PLXNA4: variants seen among roughly 807,000 people sequenced by gnomAD.
PLXNA4 encodes plexin-A4.
In PLXNA4, 44 loss-of-function variants were observed where a neutral mutation model predicts 191.8. That is an observed-to-expected ratio of 0.23 (90% CI 0.18 to 0.29). PLXNA4 has a LOEUF of 0.29. PLXNA4 is among the 10% of genes least tolerant of loss of function. The pLI is 1.00. For missense variants in PLXNA4, 1,800 were observed against 2,488.8 expected, an observed-to-expected ratio of 0.72 and a Z score of 5.89; for synonymous variants, 1,082 against 1,009.5, an observed-to-expected ratio of 1.07 and a Z score of -1.36.
At chr7:132,259,629 T>A (rs999014434) in intron 4 of PLXNA4, among the ~76,000 whole-genome samples, 2 of 151,892 alleles carry the variant, frequency 1.3e-5, no homozygotes, top group African/African-American at 2.4e-5. Context: ...TCTTCTATAG[T>A]GAGGGGCGGT....
intron 14 of PLXNA4, among the ~76,000 whole-genome samples, chr7:132,189,642 G>C (rs554418064): frequency 6.6e-6 from 1 of 152,162 alleles, no homozygotes; most frequent in Non-Finnish European, 1.5e-5. Flanking sequence ...AGAACTCCAG[G>C]GGAGCTAGGG....
At chr7:132,175,074 G>A (rs1796414018) in intron 20 of PLXNA4, among the ~76,000 whole-genome samples, 154 bp from the exon 21 acceptor site, 1 of 152,204 alleles carries the variant, frequency 6.6e-6, no homozygotes, top group Non-Finnish European at 1.5e-5. Flanking sequence ...TGTTTACATA[G>A]CTGGGATTGG....
At chr7:132,300,489 T>C (rs1801262915) in intron 3 of PLXNA4, among the ~76,000 whole-genome samples, 1 of 152,238 alleles carries the variant, frequency 6.6e-6, no homozygotes, top group Non-Finnish European at 1.5e-5. Context: ...GGTTTCCCAT[T>C]AAGCCCATGA....
At chr7:132,455,365 A>T (rs1796275289) in intron 3 of PLXNA4, among the ~76,000 whole-genome samples, 1 of 152,034 alleles carries the variant, frequency 6.6e-6, no homozygotes, top group African/African-American at 2.4e-5. Context: ...AGAGGAAGGT[A>T]TCAGGTGTGC....
At chr7:132,382,212 G>A (rs560178037) in intron 3 of PLXNA4, among the ~76,000 whole-genome samples, 1 of 152,330 alleles carries the variant, frequency 6.6e-6, no homozygotes, top group Admixed American at 6.5e-5. Context: ...GAAGCCCAGA[G>A]AAGAGGAAGC....
intron 1 of PLXNA4, among the ~76,000 whole-genome samples, chr7:132,543,499 T>C (rs1800168157): frequency 6.6e-6 from 1 of 152,256 alleles, no homozygotes; most frequent in Non-Finnish European, 1.5e-5. Flanking sequence ...AAGCATGCTT[T>C]TGAAAATATC....
intron 2 of PLXNA4, among the ~76,000 whole-genome samples, chr7:132,626,913 C>T (rs1803387909): frequency 6.6e-6 from 1 of 152,118 alleles, no homozygotes; most frequent in Non-Finnish European, 1.5e-5. Context: ...GGTACTCTGT[C>T]CGTTTCCTTT....
chr7:132,501,315 A>C (rs156954), intron 2 of PLXNA4, among the ~76,000 whole-genome samples: 1 of 152,146 alleles, frequency 6.6e-6, no homozygotes, highest in Non-Finnish European at 1.5e-5. Context: ...GTGTGTGCAC[A>C]TGGGTGTGCT....
chr7:132,252,711 C>T (rs1799298199), intron 4 of PLXNA4, among the ~76,000 whole-genome samples: 1 of 152,192 alleles, frequency 6.6e-6, no homozygotes, highest in South Asian at 2.1e-4. Flanking sequence ...CCCAGAAAGT[C>T]TTCCTCTTGG....
chr7:132,621,467 G>C (rs946615138), intron 2 of PLXNA4, among the ~76,000 whole-genome samples: 1 of 151,952 alleles, frequency 6.6e-6, no homozygotes, highest in African/African-American at 2.4e-5. Context: ...CACCATGTTG[G>C]CCAGGATGGT....
intron 3 of PLXNA4, among the ~76,000 whole-genome samples, chr7:132,394,874 G>A (rs192939074): frequency 4.1e-4 from 63 of 152,286 alleles, no homozygotes; most frequent in African/African-American, 1.5e-3. Context: ...TCTCTGCTTC[G>A]CCAGAATTCT....
intron 2 of PLXNA4, among the ~76,000 whole-genome samples, chr7:132,601,041 A>C (rs577459250): frequency 1.3e-5 from 2 of 152,264 alleles, no homozygotes; most frequent in South Asian, 2.1e-4. Flanking sequence ...GCATATACTT[A>C]GTACACAGAA....
chr7:132,537,167 C>A (rs1488123278), intron 1 of PLXNA4, among the ~76,000 whole-genome samples: 2 of 152,186 alleles, frequency 1.3e-5, no homozygotes, highest in Non-Finnish European at 2.9e-5. Flanking sequence ...AGATCTTGAT[C>A]CTGTCTGAGA....
At chr7:132,384,703 C>T (rs1384970129) in intron 3 of PLXNA4, 2 of 1,018,222 alleles carry the variant, frequency 2.0e-6, no homozygotes, top group South Asian at 7.7e-5. Flanking sequence ...TCCATCCTCT[C>T]TGCCCTGTGT....
chr7:132,450,346 G>A (rs1471697756), intron 3 of PLXNA4, among the ~76,000 whole-genome samples: 1 of 152,212 alleles, frequency 6.6e-6, no homozygotes, highest in East Asian at 1.9e-4. Flanking sequence ...CAAAATGGGA[G>A]GGAGTGCTCC....
In PLXNA4 at chr7:132,477,526, G is replaced by A. The variant is rs536621915; in HGVS notation, c.1371+11766C>T. ...TGAGTTGAAAATAGCCTTCGTTATT[G>A]TTGTTGTAAGCCACCTAAACTTGGG... On this transcript the variant is annotated intron_variant, in intron 3 of 31. Coordinates refer to ENST00000321063, the MANE Select transcript of PLXNA4 (RefSeq NM_020911.2). Among the ~76,000 whole-genome samples the A allele has an allele frequency of 8.5e-5, 13 of 152,288 alleles. No individual in the cohort carries two copies. In the East Asian group the frequency reaches 2.5e-3, roughly 29 times the overall value.
intron 2 of PLXNA4, among the ~76,000 whole-genome samples, chr7:132,633,359 T>G (rs538915477): frequency 6.6e-6 from 1 of 151,486 alleles, no homozygotes; most frequent in Non-Finnish European, 1.5e-5. Flanking sequence ...CTTGGCTCAA[T>G]GCAATCTCCA....
intron 3 of PLXNA4, among the ~76,000 whole-genome samples, chr7:132,353,285 T>G (rs1803564556): frequency 6.6e-6 from 1 of 152,212 alleles, no homozygotes; most frequent in Non-Finnish European, 1.5e-5. Context: ...GATTACTTTC[T>G]AAGTTGTTCT....
chr7:132,498,950 G>A (rs1236304316), intron 2 of PLXNA4, among the ~76,000 whole-genome samples: 1 of 152,088 alleles, frequency 6.6e-6, no homozygotes, highest in Non-Finnish European at 1.5e-5. Flanking sequence ...TGTGTGTTTT[G>A]GGACCATCTG....
Sources: allele counts gnomAD v4.1 joint callset (sites outside exome capture counted in the v4.1 genomes callset), GRCh38; gene constraint gnomAD v4.1.1; transcripts MANE v1.5; gene names NCBI Gene and HGNC (gene_info 2026-07-23, HGNC 2026-07-21).